The following SOX5 variants were observed in gnomAD, a reference collection of about 807,000 sequenced individuals.
SOX5 encodes transcription factor SOX-5.
SOX5 carries 9 observed loss-of-function variants against 92.0 expected under a neutral mutation model. The observed-to-expected ratio is 0.10, with a 90% CI of 0.06 to 0.17. SOX5 has a LOEUF of 0.17. Ranked by LOEUF, SOX5 falls within the 10% of genes least tolerant of loss-of-function variation. The pLI, the probability that SOX5 is intolerant of heterozygous loss-of-function variation, is 1.00. For synonymous variants in SOX5, 344 were observed against 336.3 expected, an observed-to-expected ratio of 1.02 and a Z score of -0.25; for missense variants, 642 against 944.5, an observed-to-expected ratio of 0.68 and a Z score of 4.20.
At chr12:23,812,315 T>C (rs574706289) in intron 3 of SOX5, among the ~76,000 whole-genome samples, 5 of 152,252 alleles carry the variant, frequency 3.3e-5, no homozygotes, top group African/African-American at 1.2e-4. Context: ...ATGACCATCA[T>C]ATTTTCTTGC....
At chr12:23,750,926 A>G (rs1402342961) in intron 4 of SOX5, among the ~76,000 whole-genome samples, 3 of 151,862 alleles carry the variant, frequency 2.0e-5, no homozygotes, top group African/African-American at 4.8e-5. Flanking sequence ...AGACGGAGCA[A>G]ATCACTGGTT....
In SOX5 at chr12:23,578,117, C is replaced by CAAAAAAAAAAAA. The variant is rs1163938652; in HGVS notation, c.1165-2291_1165-2280dup. On this transcript the variant is annotated intron_variant, in intron 9 of 14. Coordinates refer to ENST00000451604, the MANE Select transcript of SOX5 (RefSeq NM_006940.6). ...CCTGCGCAACAGAGTGAGACTGTGT[C>CAAAAAAAAAAAA]AAAAAAAAAAAAAAAAAAAAAAAAA... Among the ~76,000 whole-genome samples the CAAAAAAAAAAAA allele has an allele frequency of 3.3e-3, 114 of 34,890 alleles. 10 individuals carry two copies. The highest frequency in any genetic ancestry group is 5.4e-3 in the South Asian group (4 of 734). 22.9% of individuals were successfully genotyped at this position (34,890 alleles called of 152,430 possible).
intron 4 of SOX5, among the ~76,000 whole-genome samples, chr12:24,011,789 T>C (rs1952971396): frequency 6.6e-6 from 1 of 152,136 alleles, no homozygotes; most frequent in South Asian, 2.1e-4. Context: ...TTATTTATTA[T>C]CTTGGTCAAC....
At chr12:23,712,897 C>A (rs1287518162) in intron 6 of SOX5, among the ~76,000 whole-genome samples, 1 of 152,138 alleles carries the variant, frequency 6.6e-6, no homozygotes, top group East Asian at 1.9e-4. Context: ...ACAAGATACC[C>A]AATAAATAAT....
At chr12:23,942,982 C>A (rs1420232785) in intron 1 of SOX5, among the ~76,000 whole-genome samples, 1 of 152,078 alleles carries the variant, frequency 6.6e-6, no homozygotes, top group Non-Finnish European at 1.5e-5. Flanking sequence ...TTGCTGCCAG[C>A]AGCTTTTCTT....
At chr12:24,486,931 T>G (rs759739183) in intron 1 of SOX5, among the ~76,000 whole-genome samples, 3 of 152,144 alleles carry the variant, frequency 2.0e-5, no homozygotes, top group Non-Finnish European at 4.4e-5. Context: ...TGAGATGAAT[T>G]TGCACCCTGA....
intron 3 of SOX5, among the ~76,000 whole-genome samples, chr12:23,818,602 TAATG>T (rs2096046618): frequency 6.6e-6 from 1 of 152,148 alleles, no homozygotes; most frequent in Admixed American, 6.5e-5. Context: ...TTTTCTTCAA[TAATG>T]AATTAACCTT....
At chr12:24,062,475 G>A (rs1939918065) in intron 4 of SOX5, among the ~76,000 whole-genome samples, 1 of 152,114 alleles carries the variant, frequency 6.6e-6, no homozygotes, top group Admixed American at 6.6e-5. Flanking sequence ...TGTGTGACAG[G>A]GACTGATGAA....
intron 13 of SOX5, among the ~76,000 whole-genome samples, chr12:23,542,587 T>C (rs1341894323): frequency 6.6e-6 from 1 of 152,248 alleles, no homozygotes; most frequent in African/African-American, 2.4e-5. Context: ...TTCAATTGAA[T>C]GTTGCAATGG....
chr12:24,134,864 C>G (rs1175570995), intron 4 of SOX5, among the ~76,000 whole-genome samples: 1 of 152,132 alleles, frequency 6.6e-6, no homozygotes, highest in Non-Finnish European at 1.5e-5. Context: ...TGATTAGTTT[C>G]CACTATCTAG....
intron 1 of SOX5, among the ~76,000 whole-genome samples, chr12:23,900,735 G>A (rs1384134627): frequency 6.6e-6 from 1 of 152,072 alleles, no homozygotes; most frequent in African/African-American, 2.4e-5. Flanking sequence ...CAGCACTCTG[G>A]GAGGCTGAGA....
At chr12:23,581,615 G>A (rs1950049164) in intron 9 of SOX5, among the ~76,000 whole-genome samples, 1 of 151,930 alleles carries the variant, frequency 6.6e-6, no homozygotes, top group African/African-American at 2.4e-5. Context: ...TTTATCTAAT[G>A]GTATTTCAGC....
At chr12:24,312,264 C>T (rs1949257140) in intron 2 of SOX5, among the ~76,000 whole-genome samples, 2 of 152,218 alleles carry the variant, frequency 1.3e-5, no homozygotes, top group African/African-American at 2.4e-5. Flanking sequence ...CACCTAGCTC[C>T]CCTCTCAAAA....
intron 8 of SOX5, among the ~76,000 whole-genome samples, chr12:23,605,243 T>C (rs1033736219): frequency 6.6e-6 from 1 of 152,024 alleles, no homozygotes; most frequent in Non-Finnish European, 1.5e-5. Context: ...AGCAATAAAA[T>C]TGTCCAAGTA....
intron 1 of SOX5, among the ~76,000 whole-genome samples, chr12:24,412,823 C>T (rs1297871581): frequency 2.2e-5 from 3 of 139,432 alleles, no homozygotes; most frequent in Admixed American, 7.8e-5. Context: ...GGCGCAATCT[C>T]GGCTCACTGC....
chr12:23,761,431 A>G (rs1594152116), intron 3 of SOX5, among the ~76,000 whole-genome samples: 2 of 152,174 alleles, frequency 1.3e-5, no homozygotes, highest in African/African-American at 4.8e-5. Context: ...GTTACAGATT[A>G]TGTAGTATTT....
At chr12:24,210,645 TCATTA>T (rs1358992987) in intron 4 of SOX5, among the ~76,000 whole-genome samples, 5 of 152,176 alleles carry the variant, frequency 3.3e-5, no homozygotes, top group African/African-American at 1.2e-4. Context: ...ATATTATATA[TCATTA>T]TCATTAAGGT....
At chr12:24,338,023 T>C (rs1479324839) in intron 2 of SOX5, among the ~76,000 whole-genome samples, 1 of 152,210 alleles carries the variant, frequency 6.6e-6, no homozygotes, top group Non-Finnish European at 1.5e-5. Flanking sequence ...AAGTAAAATA[T>C]CTTAAAATCA....
rs572456270 is a variant in SOX5, at chr12:24,135,147, TGCTCC to T, written c.-2+78191_-2+78195del. On this transcript the variant is annotated intron_variant, in intron 4 of 4. Transcript: ENST00000446891. ...TATTGATGTCACTCTACCCCAGACC[TGCTCC>T]GCTATTTTCATTTCTTCCTGGGAAT... is the stretch of plus-strand genomic sequence containing the variant. Among the ~76,000 whole-genome samples the T allele has an allele frequency of 3.0e-4, 46 of 152,346 alleles. 1 individual carries two copies. In the South Asian group the frequency reaches 9.5e-3, roughly 32 times the overall value.
Sources: allele counts gnomAD v4.1 joint callset (sites outside exome capture counted in the v4.1 genomes callset), GRCh38; gene constraint gnomAD v4.1.1; transcripts MANE v1.5; gene names NCBI Gene and HGNC (gene_info 2026-07-23, HGNC 2026-07-21).